Variants in TAMM41 observed in about 807,000 individuals in gnomAD.
TAMM41 encodes phosphatidate cytidylyltransferase, mitochondrial.
Under a neutral mutation model 44.1 loss-of-function variants are expected in TAMM41, and 36 were observed. The ratio of observed to expected loss-of-function variants is 0.82; its 90% CI spans 0.63 to 1.08. TAMM41 has a LOEUF of 1.08. Among genes scored for constraint, TAMM41 ranks in the 50% least tolerant of loss-of-function variants. The pLI, the probability that TAMM41 is intolerant of heterozygous loss-of-function variation, is 0.00. For synonymous variants in TAMM41, 164 were observed against 153.1 expected, an observed-to-expected ratio of 1.07 and a Z score of -0.53; for missense variants, 417 against 404.3, an observed-to-expected ratio of 1.03 and a Z score of -0.27.
chr3:11,764,986 A>T, the TAMM41 span, among the ~76,000 whole-genome samples: 8 of 151,496 alleles, frequency 5.3e-5, no homozygotes, highest in Non-Finnish European at 1.0e-4. Context: ...ATGCTTTGTG[A>T]CTCAGTCAAC....
chr3:11,795,378 C>T (rs1230891435), intron 7 of TAMM41, among the ~76,000 whole-genome samples: 1 of 152,152 alleles, frequency 6.6e-6, no homozygotes, highest in Non-Finnish European at 1.5e-5. Flanking sequence ...GTTCTGACTC[C>T]TCCTTCATGT....
rs74423441 is a variant in TAMM41 at position 11,824,919 on chromosome 3, A to G, written c.562+4795T>C. On this transcript the variant is annotated intron_variant, in intron 4 of 7. Coordinates refer to ENST00000455809, the MANE Select transcript of TAMM41 (RefSeq NM_001284401.2). ...TAGGGAGTGGTGGAGTTGCAGTAGCAGTCAGGGAAGGCCTCCATGATAAGC... is the reference window on the plus strand; with the variant it reads ...TAGGGAGTGGTGGAGTTGCAGTAGCGGTCAGGGAAGGCCTCCATGATAAGC... Among the ~76,000 whole-genome samples the G allele has an allele frequency of 7.5e-3, 1,144 of 152,260 alleles. 6 individuals are homozygous for G. Among genetic ancestry groups the G allele is most frequent in the African/African-American group, 0.026 (1,091 of 41,546 alleles).
intron 2 of TAMM41, among the ~76,000 whole-genome samples, chr3:11,840,095 T>C (rs1171211402): frequency 6.6e-5 from 10 of 152,044 alleles, no homozygotes; most frequent in Non-Finnish European, 1.5e-4. Context: ...CCCCAACCAA[T>C]CAGCAGCACC....
chr3:11,821,425 A>G (rs1219838731), intron 4 of TAMM41, among the ~76,000 whole-genome samples: 1 of 152,154 alleles, frequency 6.6e-6, no homozygotes, highest in East Asian at 1.9e-4. Context: ...ATGCAGTTCA[A>G]ATAGGTATTG....
chr3:11,811,157 T>C (rs967585261), intron 5 of TAMM41: 1 of 152,198 alleles, frequency 6.6e-6, no homozygotes, highest in Non-Finnish European at 1.5e-5. Flanking sequence ...AAAAATGTTA[T>C]TATTTAATGG....
At chr3:11,823,862 G>A (rs9840435) in intron 4 of TAMM41, among the ~76,000 whole-genome samples, 3 of 139,918 alleles carry the variant, frequency 2.1e-5, no homozygotes, top group South Asian at 2.3e-4. Flanking sequence ...AGTCTTACTC[G>A]GTCGCCAGGC....
chr3:11,762,928 G>A, the TAMM41 span, among the ~76,000 whole-genome samples: 6 of 152,250 alleles, frequency 3.9e-5, no homozygotes, highest in South Asian at 4.1e-4. Flanking sequence ...GGGCAGTGGC[G>A]GATGCCTGGG....
At position 11,808,060 on chromosome 3, in the gene TAMM41, T is replaced by C. The variant is rs145209986; in HGVS notation, c.875-165A>G. ...AGTGACAATGAAAAGGGCAGTGGGA[T>C]TGAGGGCCAGGAGACCAGAGCAGCC... is the stretch of plus-strand genomic sequence containing the variant. On this transcript the variant is annotated intron_variant, in intron 6 of 7. Coordinates refer to ENST00000455809, the MANE Select transcript of TAMM41 (RefSeq NM_001284401.2). 4.5e-6 allele frequency: 6 copies of C among 1,346,744 alleles called. No individual in the cohort carries two copies. The African/African-American group carries it at 5.9e-5, about 13-fold the overall frequency. The allele number at this position is 1,346,744 out of a possible 1,614,324, so 83.4% of individuals were successfully genotyped here. A position where few individuals can be genotyped will look rare whatever the true frequency, so the allele number is the denominator to read the frequency against.
chr3:11,773,100 G>T, the TAMM41 span, among the ~76,000 whole-genome samples: 1 of 152,132 alleles, frequency 6.6e-6, no homozygotes, highest in East Asian at 1.9e-4. Flanking sequence ...GGGATTACAG[G>T]CACACACCAC....
At chr3:11,725,396 C>T in the TAMM41 span, among the ~76,000 whole-genome samples, 16 of 134,648 alleles carry the variant, frequency 1.2e-4, no homozygotes, top group Non-Finnish European at 2.0e-4. Flanking sequence ...CCTTCTTTTT[C>T]TTCTTCCTCT....
At chr3:11,745,506 C>T in the TAMM41 span, among the ~76,000 whole-genome samples, 6 of 152,110 alleles carry the variant, frequency 3.9e-5, no homozygotes, top group Non-Finnish European at 5.9e-5. Context: ...AAAAAGGAAG[C>T]GAATTCTGAC....
chr3:11,772,449 C>T, the TAMM41 span, among the ~76,000 whole-genome samples: 4 of 152,114 alleles, frequency 2.6e-5, no homozygotes, highest in East Asian at 1.9e-4. Context: ...TGACAACAAG[C>T]GGTATCTAGC....
chr3:11,786,708 C>T (rs566577227), downstream of TAMM41, among the ~76,000 whole-genome samples: 1 of 152,282 alleles, frequency 6.6e-6, no homozygotes, highest in Admixed American at 6.5e-5. Flanking sequence ...TCAAGCAATC[C>T]TCCCACCTCA....
chr3:11,842,737 T>C (rs1488845794), intron 2 of TAMM41, among the ~76,000 whole-genome samples: 1 of 151,518 alleles, frequency 6.6e-6, no homozygotes, highest in South Asian at 2.1e-4. Flanking sequence ...TCAGGTTCCA[T>C]CTCAGACCAA....
chr3:11,755,798 C>T, the TAMM41 span, among the ~76,000 whole-genome samples: 2 of 152,214 alleles, frequency 1.3e-5, no homozygotes, highest in African/African-American at 2.4e-5. Context: ...CCGGCTCTTA[C>T]ACTCCTTAGG....
rs142197921 is a variant in TAMM41, at chr3:11,808,304, G to T, written c.875-409C>A. The T allele has an allele frequency of 2.4e-4, 247 of 1,025,074 alleles. No individual in the cohort carries two copies. The African/African-American group carries it at 3.9e-3, about 16-fold the overall frequency. The allele number at this position is 1,025,074 out of a possible 1,614,324, so 63.5% of individuals were successfully genotyped here. ...CTTTCATTCTGAAAACACACATACG[G>T]ATTCCACAGTGAGGAACAAGTTTCA... On this transcript the variant is annotated intron_variant, in intron 6 of 7. Coordinates refer to ENST00000455809, the MANE Select transcript of TAMM41 (RefSeq NM_001284401.2).
the TAMM41 span, among the ~76,000 whole-genome samples, chr3:11,769,578 A>G: frequency 6.6e-6 from 1 of 152,288 alleles, no homozygotes; most frequent in African/African-American, 2.4e-5. Context: ...TTCATTTAAG[A>G]AAGAACCCGG....
intron 7 of TAMM41, among the ~76,000 whole-genome samples, chr3:11,801,561 A>G (rs1280169546): frequency 6.6e-6 from 1 of 152,118 alleles, no homozygotes; most frequent in Non-Finnish European, 1.5e-5. Flanking sequence ...CCTAGGCTCA[A>G]GCAATCCACC....
intron 1 of TAMM41, among the ~76,000 whole-genome samples, chr3:11,845,437 A>G (rs1309941566): frequency 6.6e-6 from 1 of 152,150 alleles, no homozygotes; most frequent in East Asian, 1.9e-4. Flanking sequence ...AAGAATGAAG[A>G]GGTGGCCATC....
Sources: allele counts gnomAD v4.1 joint callset (sites outside exome capture counted in the v4.1 genomes callset), GRCh38; gene constraint gnomAD v4.1.1; transcripts MANE v1.5; gene names NCBI Gene and HGNC (gene_info 2026-07-23, HGNC 2026-07-21).